Variants in PCDH15 observed in about 807,000 individuals in gnomAD.
The protein encoded by PCDH15 is protocadherin-15.
In PCDH15, 129 loss-of-function variants were observed where a neutral mutation model predicts 178.5. The observed-to-expected ratio is 0.72, with a 90% CI of 0.63 to 0.84. The LOEUF (loss-of-function observed/expected upper bound fraction) is 0.84, where lower values mean the gene tolerates loss of function less well. Among genes scored for constraint, PCDH15 ranks in the 40% least tolerant of loss-of-function variants. The pLI, the probability that PCDH15 is intolerant of heterozygous loss-of-function variation, is 0.00. For synonymous variants in PCDH15, 800 were observed against 732.0 expected (o/e 1.09, Z -1.50); for missense variants, 2,230 against 2,099.9 (o/e 1.06, Z -1.21).
intron 18 of PCDH15, among the ~76,000 whole-genome samples, chr10:54,036,059 C>A (rs956841616): frequency 6.6e-6 from 1 of 151,824 alleles, no homozygotes; most frequent in South Asian, 2.1e-4. Flanking sequence ...GGGAAGGAAG[C>A]TGCAGAAGAA....
chr10:54,672,944 C>G (rs2094703153), intron 1 of PCDH15, among the ~76,000 whole-genome samples: 1 of 151,998 alleles, frequency 6.6e-6, no homozygotes, highest in Middle Eastern at 3.2e-3. Flanking sequence ...AGATTCATAA[C>G]AGTTCTAATT....
At chr10:55,450,855 ATCC>A (rs1312181389) in intron 2 of PCDH15, among the ~76,000 whole-genome samples, 1 of 151,596 alleles carries the variant, frequency 6.6e-6, no homozygotes, top group Admixed American at 6.6e-5. Flanking sequence ...ATCACCTCTA[ATCC>A]TCTGACACAC....
intron 14 of PCDH15, among the ~76,000 whole-genome samples, chr10:54,140,093 A>G (rs1016208212): frequency 7.9e-5 from 12 of 152,218 alleles, no homozygotes; most frequent in Admixed American, 7.2e-4. Context: ...TTAAAACTTG[A>G]TAAAATAGGA....
At chr10:53,910,397 C>T (rs1213187288) in intron 25 of PCDH15, among the ~76,000 whole-genome samples, 1 of 152,098 alleles carries the variant, frequency 6.6e-6, no homozygotes, top group Non-Finnish European at 1.5e-5. Flanking sequence ...CAGCAAACTC[C>T]AACAGACTTG....
intron 2 of PCDH15, among the ~76,000 whole-genome samples, chr10:54,573,740 G>A (rs1195053580): frequency 2.0e-5 from 3 of 152,038 alleles, no homozygotes; most frequent in Non-Finnish European, 4.4e-5. Flanking sequence ...GTAATTGCAT[G>A]ACTTACCCTA....
intron 2 of PCDH15, among the ~76,000 whole-genome samples, chr10:54,540,906 A>G (rs529360629): frequency 1.3e-5 from 2 of 152,288 alleles, no homozygotes; most frequent in African/African-American, 4.8e-5. Flanking sequence ...AAAACCAAAA[A>G]CTATACGATA....
intron 23 of PCDH15, among the ~76,000 whole-genome samples, chr10:53,941,469 T>G (rs2134080069): frequency 6.6e-6 from 1 of 152,312 alleles, no homozygotes; most frequent in East Asian, 1.9e-4. Flanking sequence ...AATATGCATT[T>G]AATGCTCCTC....
intron 2 of PCDH15, among the ~76,000 whole-genome samples, chr10:55,341,632 C>T (rs1844559665): frequency 1.4e-5 from 2 of 147,560 alleles, no homozygotes; most frequent in South Asian, 2.2e-4. Flanking sequence ...TGCACTGACG[C>T]GATCTTGGCT....
chr10:55,374,223 A>G (rs1371173495), intron 2 of PCDH15, among the ~76,000 whole-genome samples: 1 of 151,948 alleles, frequency 6.6e-6, no homozygotes, highest in Non-Finnish European at 1.5e-5. Context: ...CCACTGCTGT[A>G]TTTGTCCCCT....
chr10:55,099,946 CA>C (rs999224686), intron 2 of PCDH15, among the ~76,000 whole-genome samples: 3 of 151,712 alleles, frequency 2.0e-5, no homozygotes, highest in South Asian at 2.1e-4. Flanking sequence ...TTCTATATTT[CA>C]AAAAAAAGTA....
chr10:54,830,485 C>T (rs1160323566), intron 3 of PCDH15, among the ~76,000 whole-genome samples: 3 of 149,172 alleles, frequency 2.0e-5, no homozygotes, highest in Non-Finnish European at 4.4e-5. Context: ...ATCGCAAGGA[C>T]AAAAAACCAA....
At chr10:54,467,400 AGAT>A (rs773386140) in intron 3 of PCDH15, among the ~76,000 whole-genome samples, 10 of 151,846 alleles carry the variant, frequency 6.6e-5, no homozygotes, top group Non-Finnish European at 1.2e-4. Flanking sequence ...GTGTCTATTA[AGAT>A]GATGATAAGA....
intron 2 of PCDH15, among the ~76,000 whole-genome samples, chr10:54,538,541 A>G (rs774644960): frequency 7.2e-5 from 11 of 151,982 alleles, no homozygotes; most frequent in Non-Finnish European, 1.6e-4. Context: ...AAAAAAAGCT[A>G]TGTTGTTTTT....
At position 54,063,712 on chromosome 10, in the gene PCDH15, G is replaced by A. The variant is rs566947370; in HGVS notation, c.2220+3045C>T. ...TAAATCCGACACTTTGCCAGGGCAA[G>A]CCAGGTTCAGAGCAGCGATGGGTGC... is the stretch of plus-strand genomic sequence containing the variant. On this transcript the variant is annotated intron_variant, in intron 18 of 37. Coordinates refer to ENST00000644397, the MANE Select transcript of PCDH15 (RefSeq NM_001384140.1). Among the ~76,000 whole-genome samples the A allele has an allele frequency of 2.0e-5, 3 of 152,338 alleles. No individual in the cohort carries two copies. The East Asian group carries it at 5.8e-4, about 29-fold the overall frequency.
intron 3 of PCDH15, among the ~76,000 whole-genome samples, chr10:54,890,453 T>C (rs1398701343): frequency 6.6e-6 from 1 of 152,048 alleles, no homozygotes; most frequent in Non-Finnish European, 1.5e-5. Flanking sequence ...AACTGTGCCG[T>C]AGTGCTTAAG....
Position 54,583,423 on chromosome 10 carries a change from A to T in PCDH15, c.92-55546T>A, listed in dbSNP as rs542879526. 4.6e-5 allele frequency among the ~76,000 whole-genome samples: 7 copies of T among 152,058 alleles called. No individual in the cohort carries two copies. The South Asian group carries it at 1.5e-3, about 32-fold the overall frequency. ...TTTATGTTACCTTTTCATGGAGAGG[A>T]CAAAATTAAAGGTATCTCAAGGCAA... On this transcript the variant is annotated intron_variant, in intron 2 of 37. Coordinates refer to ENST00000644397, the MANE Select transcript of PCDH15 (RefSeq NM_001384140.1).
intron 4 of PCDH15, among the ~76,000 whole-genome samples, chr10:54,370,987 A>G (rs1947576021): frequency 6.6e-6 from 1 of 151,892 alleles, no homozygotes; most frequent in African/African-American, 2.4e-5. Context: ...AATCACACAT[A>G]GCTCTGTGTT....
chr10:54,402,486 T>C (rs1952057004), intron 3 of PCDH15, among the ~76,000 whole-genome samples: 3 of 152,000 alleles, frequency 2.0e-5, no homozygotes, highest in Non-Finnish European at 2.9e-5. Flanking sequence ...TCTTTATTAG[T>C]TTATTGAACT....
intron 2 of PCDH15, among the ~76,000 whole-genome samples, chr10:55,108,523 CA>C (rs531794071): frequency 2.2e-4 from 34 of 151,974 alleles, no homozygotes; most frequent in Non-Finnish European, 4.1e-4. Context: ...ACTAGAAGGA[CA>C]TTAGCTATAC....
Sources: allele counts gnomAD v4.1 joint callset (sites outside exome capture counted in the v4.1 genomes callset), GRCh38; gene constraint gnomAD v4.1.1; transcripts MANE v1.5; gene names NCBI Gene and HGNC (gene_info 2026-07-23, HGNC 2026-07-21).